The following VLDLR variants were observed in gnomAD, a reference collection of about 807,000 sequenced individuals.
VLDLR encodes the protein very low density lipoprotein receptor.
In VLDLR, 81 loss-of-function variants were observed where a neutral mutation model predicts 112.7. That is an observed-to-expected ratio of 0.72 (90% CI 0.60 to 0.86). VLDLR has a LOEUF of 0.86. Among genes scored for constraint, VLDLR ranks in the 40% least tolerant of loss-of-function variants. The pLI is 0.00. For missense variants in VLDLR, 1,237 were observed against 1,099.4 expected, an observed-to-expected ratio of 1.13 and a Z score of -1.77; for synonymous variants, 436 against 384.8, an observed-to-expected ratio of 1.13 and a Z score of -1.56.
intron 4 of VLDLR, among the ~76,000 whole-genome samples, chr9:2,642,291 G>A (rs1197686433): frequency 6.6e-6 from 1 of 152,198 alleles, no homozygotes; most frequent in East Asian, 1.9e-4. Flanking sequence ...TATGGTAGTA[G>A]TCAAGGGAGC....
Position 2,641,254 on chromosome 9 carries a change from GT to G in VLDLR, c.326-122del, listed in dbSNP as rs1817807531. ...GAGCTCCCCGGGCTTCAGCCAGTTA[GT>G]AGAATTTCACCAGTGTGCCAGGCTA... On this transcript the variant is annotated intron_variant, in intron 3 of 18. Transcript: ENST00000382100. 6 of 1,504,402 alleles carry G rather than the reference GT, an allele frequency of 4.0e-6. No homozygotes were observed. The South Asian group carries it at 5.7e-5, about 14-fold the overall frequency. 93.2% of individuals were successfully genotyped at this position (1,504,402 alleles called of 1,614,324 possible).
At position 2,659,139 on chromosome 9, in the gene VLDLR, T is replaced by C. The variant is rs1328553809; in HGVS notation, c.*5271T>C. ...TACTAAGTAAGTGCTCCCAAGTCTT[T>C]TACTTGCTCTTCACAGCAACCCTAA... On this transcript the variant is annotated 3_prime_UTR_variant, in exon 19 of 19. Coordinates refer to ENST00000382100, the MANE Select transcript of VLDLR (RefSeq NM_003383.5). 6.6e-6 allele frequency: 1 copy of C among 152,220 alleles called. No homozygotes were observed. Among genetic ancestry groups the C allele is most frequent in the African/African-American group, 2.4e-5 (1 of 41,454 alleles). 9.4% of individuals were successfully genotyped at this position (152,220 alleles called of 1,614,324 possible).
chr9:2,641,716 A>G (rs1817834428), intron 4 of VLDLR, among the ~76,000 whole-genome samples: 1 of 152,184 alleles, frequency 6.6e-6, no homozygotes, highest in Non-Finnish European at 1.5e-5. Flanking sequence ...TTTTAGGCAA[A>G]TAGAAATAAG....
intron 1 of VLDLR, among the ~76,000 whole-genome samples, chr9:2,627,591 G>A (rs963465665): frequency 6.6e-6 from 1 of 152,068 alleles, no homozygotes. Flanking sequence ...GAGGCCGGGC[G>A]CGGTGGCTCA....
intron 1 of VLDLR, among the ~76,000 whole-genome samples, chr9:2,629,732 T>G (rs1271866786): frequency 6.6e-6 from 1 of 152,238 alleles, no homozygotes; most frequent in African/African-American, 2.4e-5. Context: ...TTTCCATGAC[T>G]CAGAAGAATT....
In VLDLR at chr9:2,647,341, C is replaced by T. The variant is rs1013060701; in HGVS notation, c.1704-133C>T. On this transcript the variant is annotated intron_variant, in intron 11 of 18. Transcript: ENST00000382100. ...TTATTTACCTAGAACATAATTTAGA[C>T]CCTTAAGTGTTACTATTTGTCACTA... The T allele has an allele frequency of 4.6e-5, 34 of 732,550 alleles. No homozygotes were observed. In the Admixed American group the frequency reaches 6.0e-4, roughly 13 times the overall value. 45.4% of individuals were successfully genotyped at this position (732,550 alleles called of 1,614,324 possible).
chr9:2,633,049 AGAGTGTGTGTGTGTGTGTGTGT>A (rs1248582859), intron 1 of VLDLR, among the ~76,000 whole-genome samples: 1 of 106,998 alleles, frequency 9.3e-6, no homozygotes, highest in Non-Finnish European at 2.0e-5. Context: ...AGAGAGAGAG[AGAGTGTGTGTGTGTGTGTGTGT>A]GTGTGTGTGT....
At chr9:2,629,814 G>A (rs565086636) in intron 1 of VLDLR, among the ~76,000 whole-genome samples, 83 of 152,142 alleles carry the variant, frequency 5.5e-4, no homozygotes, top group African/African-American at 1.8e-3. Flanking sequence ...GTTTGTTTTC[G>A]AGATGGAGTT....
In VLDLR at chr9:2,646,387, A is replaced by G. The variant is rs1237280688; in HGVS notation, c.1538A>G (p.Tyr513Cys). 3 of 1,614,208 alleles carry G rather than the reference A, an allele frequency of 1.9e-6. No homozygotes were observed. The highest frequency in any genetic ancestry group is 1.7e-6 in the Non-Finnish European group (2 of 1,180,024). Residue 513 changes from tyrosine (Y) to cysteine (C), a missense_variant, in exon 11 of 19, where the codon TAT becomes TGT. Physicochemically the swap from Tyr to Cys is radical, Grantham distance 194. Coordinates refer to ENST00000382100, the MANE Select transcript of VLDLR (RefSeq NM_003383.5). The part of the protein sequence containing the change: ...GRHVKMIDNV[Y>C]NPAAIAVDWV... Reference sequence around the variant, plus strand: ...CATGTTAAAATGATCGACAATGTCTATAATCCTGCAGCCATTGCTGTTGAT... The same window carrying G: ...CATGTTAAAATGATCGACAATGTCTGTAATCCTGCAGCCATTGCTGTTGAT...
chr9:2,645,201 C>G lies in VLDLR; in HGVS notation c.1312+119C>G, dbSNP rs2290465. 0.21 allele frequency: 309,010 copies of G among 1,460,062 alleles called. 40,656 individuals carry two copies. Among genetic ancestry groups the G allele is most frequent in the East Asian group, 0.63 (27,753 of 44,102 alleles). 90.4% of individuals were successfully genotyped at this position (1,460,062 alleles called of 1,614,324 possible). A position where few individuals can be genotyped will look rare whatever the true frequency, so the allele number is the denominator to read the frequency against. ...GAAATTGTACTTGAGAACAATGCTG[C>G]TAACCTCATAATACAGCAGTATAGG... On this transcript the variant is annotated intron_variant, in intron 9 of 18. Coordinates refer to ENST00000382100, the MANE Select transcript of VLDLR (RefSeq NM_003383.5).
At chr9:2,633,615 TAA>T (rs746180855) in intron 1 of VLDLR, among the ~76,000 whole-genome samples, 1 of 149,606 alleles carries the variant, frequency 6.7e-6, no homozygotes, top group African/African-American at 2.4e-5. Context: ...ACTAAAACCT[TAA>T]AAAAAAAATC....
At chr9:2,626,681 G>A (rs1164155999) in intron 1 of VLDLR, among the ~76,000 whole-genome samples, 2 of 152,156 alleles carry the variant, frequency 1.3e-5, no homozygotes. Flanking sequence ...AGCTGATTTT[G>A]CCAACTTGGG....
At chr9:2,631,400 C>T (rs1817344128) in intron 1 of VLDLR, among the ~76,000 whole-genome samples, 1 of 152,088 alleles carries the variant, frequency 6.6e-6, no homozygotes, top group Non-Finnish European at 1.5e-5. Context: ...AACAAAGATA[C>T]AGAATCAACC....
chr9:2,651,521 C>T, intron 16 of VLDLR, 23 bp downstream of exon 16: 1 of 1,585,754 alleles, frequency 6.3e-7, no homozygotes, highest in Non-Finnish European at 8.7e-7. Flanking sequence ...GTACTGCAAA[C>T]TGTTAATCTC....
chr9:2,630,862 A>G (rs1817318359), intron 1 of VLDLR, among the ~76,000 whole-genome samples: 1 of 152,226 alleles, frequency 6.6e-6, no homozygotes, highest in Non-Finnish European at 1.5e-5. Context: ...CTGCACAGCA[A>G]AAGAAATAAT....
rs80264334 is a variant in VLDLR, at chr9:2,641,951, C to T, written c.448+452C>T. On this transcript the variant is annotated intron_variant, in intron 4 of 18. Transcript: ENST00000382100. ...CATTTCTTTGCCCATGAACTAGATT[C>T]TGGCATAACTTTCCCAGAAAAAAAA... Among the ~76,000 whole-genome samples the T allele has an allele frequency of 3.4e-3, 499 of 148,498 alleles. 2 individuals are homozygous for T. Among genetic ancestry groups the T allele is most frequent in the Admixed American group, 5.0e-3 (75 of 14,956 alleles).
intron 16 of VLDLR, 145 bp downstream of exon 16, chr9:2,651,643 G>A: frequency 1.1e-6 from 1 of 913,146 alleles, no homozygotes; most frequent in Non-Finnish European, 1.7e-6. Flanking sequence ...CTTAAAACTT[G>A]CATATCTTTT....
At chr9:2,637,879 C>G (rs1005435052) in intron 2 of VLDLR, among the ~76,000 whole-genome samples, 3 of 152,072 alleles carry the variant, frequency 2.0e-5, no homozygotes, top group Non-Finnish European at 2.9e-5. Context: ...GGAGGCGGAG[C>G]TTGCAGTGAG....
At chr9:2,625,586 A>G (rs1817055350) in intron 1 of VLDLR, among the ~76,000 whole-genome samples, 1 of 152,232 alleles carries the variant, frequency 6.6e-6, no homozygotes, top group South Asian at 2.1e-4. Flanking sequence ...GATGAGGTCT[A>G]TAATGATGTT....
Sources: allele counts gnomAD v4.1 joint callset (sites outside exome capture counted in the v4.1 genomes callset), GRCh38; gene constraint gnomAD v4.1.1; transcripts MANE v1.5; gene names NCBI Gene and HGNC (gene_info 2026-07-23, HGNC 2026-07-21).